The following GFRA1 variants were observed in gnomAD, a reference collection of about 807,000 sequenced individuals.
GFRA1 encodes the protein GDNF family receptor alpha 1, also known as GDNF family receptor alpha-1.
A neutral mutation model predicts 51.6 loss-of-function variants in GFRA1; 16 were observed. The observed-to-expected ratio is 0.31, with a 90% CI of 0.21 to 0.47. The LOEUF (loss-of-function observed/expected upper bound fraction) is 0.47. Among genes scored for constraint, GFRA1 ranks in the 20% least tolerant of loss-of-function variants. GFRA1 has a pLI of 1.00. For missense variants in GFRA1, 530 were observed against 594.3 expected (o/e 0.89, Z 1.13); for synonymous variants, 270 against 241.3 (o/e 1.12, Z -1.10).
intron 5 of GFRA1, among the ~76,000 whole-genome samples, chr10:116,193,784 G>A (rs766489629): frequency 1.3e-5 from 2 of 151,826 alleles, no homozygotes; most frequent in Non-Finnish European, 2.9e-5. Flanking sequence ...TGGGCCGGGC[G>A]CGGTGGCTCA....
At chr10:116,078,634 G>A (rs533444693) in intron 9 of GFRA1, among the ~76,000 whole-genome samples, 2 of 152,302 alleles carry the variant, frequency 1.3e-5, no homozygotes, top group East Asian at 1.9e-4. Flanking sequence ...GCCAGAGCAG[G>A]AGACCATTAC....
intron 5 of GFRA1, among the ~76,000 whole-genome samples, chr10:116,196,062 G>A (rs1176187943): frequency 1.3e-5 from 2 of 151,846 alleles, no homozygotes; most frequent in East Asian, 3.9e-4. Flanking sequence ...TCACAGCCAG[G>A]GCCCTGCACT....
rs371921058 is a variant in GFRA1 at position 116,125,475 on chromosome 10, C to T, written c.516G>A (p.Ser172=). 5.2e-5 allele frequency: 84 copies of T among 1,614,074 alleles called. No homozygotes were observed. The highest frequency in any genetic ancestry group is 1.5e-4 in the African/African-American group (11 of 75,046). The change falls in exon 6 of 11, where the codon TCG becomes TCA. Residue 172 remains serine, a synonymous_variant. Coordinates refer to ENST00000355422, the MANE Select transcript of GFRA1 (RefSeq NM_005264.8). ...NLDDICKKYR[S]AYITPCTTSV... is the part of the protein sequence containing the mutation. ...TGGTGGTGCACGGGGTGATGTACGC[C>T]GACCTGTACTTCTTGCAAATGTCGT... is the stretch of plus-strand genomic sequence containing the variant.
chr10:116,118,792 A>C (rs1376566141), intron 6 of GFRA1, among the ~76,000 whole-genome samples: 1 of 152,200 alleles, frequency 6.6e-6, no homozygotes, highest in African/African-American at 2.4e-5. Context: ...CCAAGAGTGG[A>C]AAAAGTGATT....
intron 9 of GFRA1, among the ~76,000 whole-genome samples, chr10:116,068,211 C>A (rs1022143897): frequency 3.9e-5 from 6 of 152,226 alleles, no homozygotes; most frequent in African/African-American, 1.4e-4. Flanking sequence ...TAGCAGTCCA[C>A]ACACAGGACT....
At chr10:116,233,997 T>TC (rs1966839145) in intron 4 of GFRA1, among the ~76,000 whole-genome samples, 1 of 152,210 alleles carries the variant, frequency 6.6e-6, no homozygotes. Context: ...GTTCCTTTTT[T>TC]CTCTTTCCTC....
At position 116,101,130 on chromosome 10, in the gene GFRA1, C is replaced by T. The variant is rs531565889; in HGVS notation, c.771-4366G>A. Among the ~76,000 whole-genome samples the T allele has an allele frequency of 9.2e-5, 14 of 152,278 alleles. No individual in the cohort carries two copies. The South Asian group carries it at 2.9e-3, about 32-fold the overall frequency. ...CCTACTGTATGCACAGCTCCAGTGC[C>T]CCAGGACAGCTCCTTCTGCACACAC... On this transcript the variant is annotated intron_variant, in intron 6 of 10. Transcript: ENST00000355422.
At chr10:116,147,890 A>G in intron 5 of GFRA1, among the ~76,000 whole-genome samples, 1 of 149,736 alleles carries the variant, frequency 6.7e-6, no homozygotes, top group Non-Finnish European at 1.5e-5. Context: ...AGGTGTCAGA[A>G]AGCCGCAGGT....
At chr10:116,217,145 G>T (rs955670594) in intron 4 of GFRA1, among the ~76,000 whole-genome samples, 1 of 152,164 alleles carries the variant, frequency 6.6e-6, no homozygotes, top group African/African-American at 2.4e-5. Context: ...CAGACCTGCA[G>T]GTGGGCTCTC....
intron 4 of GFRA1, among the ~76,000 whole-genome samples, chr10:116,261,422 G>A (rs959876155): frequency 5.9e-5 from 9 of 152,264 alleles, no homozygotes; most frequent in Middle Eastern, 3.4e-3. Context: ...CCGCACTTCC[G>A]ATTATTTAAT....
intron 8 of GFRA1, among the ~76,000 whole-genome samples, chr10:116,090,528 A>C (rs1056228313): frequency 6.6e-6 from 1 of 151,742 alleles, no homozygotes; most frequent in Non-Finnish European, 1.5e-5. Context: ...CCAGTCTTCC[A>C]AGCAAAATCT....
intron 5 of GFRA1, among the ~76,000 whole-genome samples, chr10:116,206,337 A>G (rs1451226577): frequency 1.3e-5 from 2 of 152,184 alleles, no homozygotes; most frequent in Non-Finnish European, 2.9e-5. Flanking sequence ...GAAGTGGCTG[A>G]GTAAACCTAA....
chr10:116,238,257 T>C (rs1589899447), intron 4 of GFRA1, among the ~76,000 whole-genome samples: 1 of 152,146 alleles, frequency 6.6e-6, no homozygotes, highest in Non-Finnish European at 1.5e-5. Context: ...TGGCAGGCCC[T>C]GGGGAACGCC....
At chr10:116,117,336 G>C (rs1158640408) in intron 6 of GFRA1, among the ~76,000 whole-genome samples, 1 of 152,040 alleles carries the variant, frequency 6.6e-6, no homozygotes, top group Non-Finnish European at 1.5e-5. Flanking sequence ...CAGCTCAGAT[G>C]GCAGCTTCTC....
intron 4 of GFRA1, chr10:116,226,695 G>T (rs7094346): frequency 0.77 from 205,367 of 266,192 alleles, 79,645 homozygotes; most frequent in Admixed American, 0.84. Context: ...ATTTCTATTA[G>T]TACTACATTG....
At chr10:116,157,204 T>C (rs962315154) in intron 5 of GFRA1, among the ~76,000 whole-genome samples, 1 of 152,202 alleles carries the variant, frequency 6.6e-6, no homozygotes, top group African/African-American at 2.4e-5. Context: ...GGAAGTAGAA[T>C]ATTTGGAAGT....
intron 5 of GFRA1, among the ~76,000 whole-genome samples, chr10:116,132,507 CT>C (rs376507316): frequency 6.6e-6 from 1 of 152,060 alleles, no homozygotes. Flanking sequence ...TATTATTACT[CT>C]TTTCAAAAAG....
At chr10:116,115,259 G>T (rs534479590) in intron 6 of GFRA1, among the ~76,000 whole-genome samples, 119 of 152,254 alleles carry the variant, frequency 7.8e-4, no homozygotes, top group African/African-American at 2.6e-3. Context: ...GGATGGGTGT[G>T]GGGGAGTGTG....
intron 4 of GFRA1, chr10:116,226,623 G>A: frequency 5.2e-6 from 1 of 193,408 alleles, no homozygotes; most frequent in African/African-American, 2.3e-5. Context: ...ACAGGCAGGG[G>A]GTGTATGTGA....
Sources: gnomAD v4.1 joint callset for allele counts (sites outside exome capture counted in the v4.1 genomes callset) on GRCh38, gnomAD v4.1.1 for gene constraint, MANE v1.5 for transcripts, NCBI Gene and HGNC (gene_info 2026-07-23, HGNC 2026-07-21) for gene names.